DNA2: variants seen among roughly 807,000 people sequenced by gnomAD.
DNA2 encodes the protein DNA replication helicase/nuclease 2.
DNA2 carries 101 observed loss-of-function variants against 119.1 expected under a neutral mutation model. The ratio of observed to expected loss-of-function variants is 0.85; its 90% confidence interval spans 0.72 to 1.00. The LOEUF (loss-of-function observed/expected upper bound fraction) is 1.00, where lower values mean the gene tolerates loss of function less well. DNA2 is among the 50% of genes least tolerant of loss of function. The probability of loss-of-function intolerance (pLI) is 0.00; values close to 1 mark genes in which losing one functional copy is unlikely to be tolerated. For synonymous variants in DNA2, 366 were observed against 424.4 expected (o/e 0.86, Z 1.69); for missense variants, 1,121 against 1,255.5 (o/e 0.89, Z 1.62).
intron 13 of DNA2, among the ~76,000 whole-genome samples, chr10:68,431,191 C>T (rs532583435): frequency 3.9e-4 from 53 of 137,140 alleles, no homozygotes; most frequent in African/African-American, 1.4e-3. Flanking sequence ...GCCTGGCTCA[C>T]GTTAACAAGA....
chr10:68,433,414 T>C (rs2051846789), intron 10 of DNA2, among the ~76,000 whole-genome samples: 1 of 152,200 alleles, frequency 6.6e-6, no homozygotes, highest in African/African-American at 2.4e-5. Flanking sequence ...TTTCTTCCAT[T>C]AATGAACTCA....
intron 4 of DNA2, among the ~76,000 whole-genome samples, chr10:68,460,405 G>A (rs889364299): frequency 2.0e-5 from 3 of 150,738 alleles, no homozygotes; most frequent in Non-Finnish European, 4.4e-5. Flanking sequence ...CACCGCACCT[G>A]ACCTAATACG....
intron 3 of DNA2, among the ~76,000 whole-genome samples, chr10:68,466,577 GACCT>G (rs1016977508): frequency 4.3e-5 from 6 of 140,586 alleles, no homozygotes; most frequent in African/African-American, 1.7e-4. Context: ...TATTAGCCTA[GACCT>G]TTTTTTTTTT....
At chr10:68,428,535 AG>A (rs1477041354) in intron 14 of DNA2, among the ~76,000 whole-genome samples, 6 of 152,224 alleles carry the variant, frequency 3.9e-5, no homozygotes, top group Non-Finnish European at 8.8e-5. Context: ...TGTTTACAGC[AG>A]CTTTATTCAC....
chr10:68,449,898 C>A (rs1409020854), intron 6 of DNA2, 130 bp downstream of exon 6: 1 of 643,682 alleles, frequency 1.6e-6, no homozygotes, highest in Admixed American at 2.9e-5. Context: ...GGCATGAACC[C>A]AGGAGGCGGA....
In DNA2 at chr10:68,419,937, G is replaced by C. The variant is rs1477087392; in HGVS notation, c.2698-45C>G. 2.6e-6 allele frequency: 4 copies of C among 1,527,486 alleles called. No homozygotes were observed. The African/African-American group carries it at 5.5e-5, about 21-fold the overall frequency. The allele number at this position is 1,527,486 out of a possible 1,614,324, so 94.6% of individuals were successfully genotyped here. A position where few individuals can be genotyped will look rare whatever the true frequency, so the allele number is the denominator to read the frequency against. On this transcript the variant is annotated intron_variant, in intron 17 of 20. Coordinates refer to ENST00000358410, the MANE Select transcript of DNA2 (RefSeq NM_001080449.3). ...GCCTGCTGATAATACAATCTCTAAA[G>C]AGTACTATAAGTACGCAACTGGCCA...
chr10:68,446,637 G>C (rs1301521687), intron 6 of DNA2, among the ~76,000 whole-genome samples: 1 of 152,132 alleles, frequency 6.6e-6, no homozygotes, highest in Non-Finnish European at 1.5e-5. Context: ...AACACTTTGG[G>C]AGGCCAAGGC....
intron 6 of DNA2, among the ~76,000 whole-genome samples, chr10:68,448,280 AT>A (rs1564890054): frequency 1.3e-5 from 2 of 152,154 alleles, no homozygotes; most frequent in African/African-American, 2.4e-5. Context: ...ATGAAATGTC[AT>A]TAACCACCTT....
chr10:68,464,829 C>CAAAAAAAAAAAA (rs71009067), intron 4 of DNA2, among the ~76,000 whole-genome samples: 1 of 40,666 alleles, frequency 2.5e-5, no homozygotes, highest in African/African-American at 9.6e-5. Flanking sequence ...AACTCCACCT[C>CAAAAAAAAAAAA]AAAAAAAAAA....
chr10:68,417,859 C>T (rs910711392), intron 19 of DNA2, among the ~76,000 whole-genome samples: 3 of 152,068 alleles, frequency 2.0e-5, no homozygotes, highest in Admixed American at 2.0e-4. Flanking sequence ...CTGTCGCATA[C>T]TACAACAGGA....
intron 5 of DNA2, 107 bp downstream of exon 5, chr10:68,458,997 G>A (rs1590072076): frequency 3.0e-6 from 3 of 986,406 alleles, no homozygotes; most frequent in East Asian, 2.8e-5. Context: ...CAAGCAAAAT[G>A]GCTAATTGTA....
intron 14 of DNA2, among the ~76,000 whole-genome samples, chr10:68,429,986 G>A (rs79531858): frequency 0.095 from 13,921 of 147,074 alleles, 966 homozygotes; most frequent in South Asian, 0.25. Flanking sequence ...AGGTTCAAAC[G>A]ATTCTCCGTG....
intron 2 of DNA2, 130 bp from the exon 3 acceptor site, chr10:68,468,436 G>T: frequency 1.6e-6 from 1 of 620,074 alleles, no homozygotes; most frequent in South Asian, 5.4e-5. Flanking sequence ...AAATTTCTGG[G>T]TCTTTAAAAA....
At chr10:68,427,219 T>C (rs1000358364) in intron 14 of DNA2, among the ~76,000 whole-genome samples, 1 of 147,022 alleles carries the variant, frequency 6.8e-6, no homozygotes, top group African/African-American at 2.5e-5. Flanking sequence ...AAAAAAAAAA[T>C]ATGTGGCGCA....
At chr10:68,444,550 C>T (rs1373391879) in intron 8 of DNA2, among the ~76,000 whole-genome samples, 1 of 151,852 alleles carries the variant, frequency 6.6e-6, no homozygotes, top group Non-Finnish European at 1.5e-5. Flanking sequence ...CACGGTGAAA[C>T]CTCTTCTCTA....
chr10:68,437,374 G>T (rs568600448), intron 9 of DNA2, 133 bp from the exon 10 acceptor site: 3 of 765,926 alleles, frequency 3.9e-6, no homozygotes, highest in Admixed American at 3.0e-5. Flanking sequence ...GGTGGCTCAC[G>T]CCTGTAATCC....
At chr10:68,463,054 C>T (rs1240804544) in intron 4 of DNA2, among the ~76,000 whole-genome samples, 1 of 151,884 alleles carries the variant, frequency 6.6e-6, no homozygotes, top group African/African-American at 2.4e-5. Context: ...ACCACTTGAA[C>T]CTGGGAGACA....
upstream of DNA2, chr10:68,472,060 A>G: frequency 1.3e-6 from 2 of 1,596,256 alleles, no homozygotes; most frequent in Non-Finnish European, 1.7e-6. Flanking sequence ...TCACCTGAGC[A>G]GCAGGGCTCT....
At chr10:68,423,989 G>A (rs553503325) in intron 14 of DNA2, among the ~76,000 whole-genome samples, 2 of 152,074 alleles carry the variant, frequency 1.3e-5, no homozygotes, top group Non-Finnish European at 2.9e-5. Context: ...AATTAAAGAC[G>A]AACCAGGAAA....
Sources: allele counts gnomAD v4.1 joint callset (sites outside exome capture counted in the v4.1 genomes callset), GRCh38; gene constraint gnomAD v4.1.1; transcripts MANE v1.5; gene names NCBI Gene and HGNC (gene_info 2026-07-23, HGNC 2026-07-21).